The following HNF4G variants were observed in gnomAD, a reference collection of about 807,000 sequenced individuals.
HNF4G encodes hepatocyte nuclear factor 4-gamma.
A neutral mutation model predicts 50.9 loss-of-function variants in HNF4G; 21 were observed. The ratio of observed to expected loss-of-function variants is 0.41; its 90% CI spans 0.29 to 0.59. HNF4G has a LOEUF of 0.59. Among genes scored for constraint, HNF4G ranks in the 20% least tolerant of loss-of-function variants. The probability of loss-of-function intolerance (pLI) is 0.26; values close to 1 mark genes in which losing one functional copy is unlikely to be tolerated. For synonymous variants in HNF4G, 198 were observed against 185.6 expected (o/e 1.07, Z -0.54); for missense variants, 527 against 559.4 (o/e 0.94, Z 0.58).
At chr8:75,411,070 G>A (rs1004347249) in intron 1 of HNF4G, among the ~76,000 whole-genome samples, 3 of 152,074 alleles carry the variant, frequency 2.0e-5, no homozygotes, top group Admixed American at 6.6e-5. Flanking sequence ...CTTTACAGAC[G>A]GAAAAAGTGA....
intron 1 of HNF4G, among the ~76,000 whole-genome samples, chr8:75,481,114 CACAATTCTGACT>C (rs1360229595): frequency 1.3e-5 from 2 of 152,178 alleles, no homozygotes; most frequent in Non-Finnish European, 2.9e-5. Context: ...TAGTCTCCCA[CACAATTCTGACT>C]TTGTATTTTA....
chr8:75,477,284 T>C (rs1812262340), intron 1 of HNF4G, among the ~76,000 whole-genome samples: 2 of 152,210 alleles, frequency 1.3e-5, no homozygotes, highest in African/African-American at 4.8e-5. Flanking sequence ...GATTCTTAGG[T>C]TAATTTTTTT....
chr8:75,494,319 CA>C, intron 2 of HNF4G, among the ~76,000 whole-genome samples: 2 of 150,492 alleles, frequency 1.3e-5, no homozygotes, highest in South Asian at 4.2e-4. Context: ...CACACACACA[CA>C]CACACACACA....
intron 1 of HNF4G, among the ~76,000 whole-genome samples, chr8:75,451,027 A>G (rs1811572102): frequency 6.6e-6 from 1 of 152,188 alleles, no homozygotes; most frequent in African/African-American, 2.4e-5. Context: ...CTTTCTTTAT[A>G]AATTATCAAG....
rs1200989197 is a variant in HNF4G at position 75,565,825 on chromosome 8, GCTAT to G, written c.*1734_*1737del. 6.6e-6 allele frequency: 1 copy of G among 152,020 alleles called. No homozygotes were observed. The highest frequency in any genetic ancestry group is 1.5e-5 in the Non-Finnish European group (1 of 68,016). The allele number at this position is 152,020 out of a possible 1,614,324, so 9.4% of individuals were successfully genotyped here. On this transcript the variant is annotated 3_prime_UTR_variant, in exon 10 of 10. Transcript: ENST00000396423. ...TAAAGTAAAATTGAACTTATTAAAA[GCTAT>G]CTATGATTTAATAGATTTAATAAAA...
chr8:75,459,177 C>T (rs748983443), intron 1 of HNF4G, among the ~76,000 whole-genome samples: 4 of 152,148 alleles, frequency 2.6e-5, no homozygotes, highest in Non-Finnish European at 5.9e-5. Context: ...GAACTCTCTA[C>T]TAGCTAGGTA....
chr8:75,547,639 T>C lies in HNF4G; in HGVS notation c.340T>C (p.Cys114Arg). The C allele has an allele frequency of 6.2e-7, 1 of 1,611,876 alleles. No individual in the cohort carries two copies. Among genetic ancestry groups the C allele is most frequent in the Non-Finnish European group, 8.5e-7 (1 of 1,178,102 alleles). ...GGACAAAAGGAATCAATGTAGATAT[T>C]GTCGATTAAGAAAGTGTTTTAGAGC... is the stretch of plus-strand genomic sequence containing the variant. Reference protein sequence around the residue: ...DKDKRNQCRYCRLRKCFRAGM... With the variant: ...DKDKRNQCRYRRLRKCFRAGM... Residue 114 changes from cysteine (C) to arginine (R), a missense_variant, in exon 3 of 10, where the codon TGT becomes CGT. By Grantham distance (180) the Cys-to-Arg change is radical. Transcript: ENST00000396423.
At chr8:75,473,212 G>C (rs1812160025) in intron 1 of HNF4G, among the ~76,000 whole-genome samples, 1 of 152,000 alleles carries the variant, frequency 6.6e-6, no homozygotes, top group South Asian at 2.1e-4. Flanking sequence ...GGGAGGCTGA[G>C]GCAGGAGAAT....
chr8:75,470,522 G>A (rs1812090167), intron 1 of HNF4G, among the ~76,000 whole-genome samples: 1 of 152,070 alleles, frequency 6.6e-6, no homozygotes, highest in Non-Finnish European at 1.5e-5. Flanking sequence ...TATTTCCAGT[G>A]CTTGGTACAA....
chr8:75,467,544 C>G (rs1469633715), intron 1 of HNF4G, among the ~76,000 whole-genome samples: 1 of 152,050 alleles, frequency 6.6e-6, no homozygotes, highest in Admixed American at 6.5e-5. Context: ...CCTGTAGTCC[C>G]AACTACTGGG....
chr8:75,479,667 A>G (rs1812326990), intron 1 of HNF4G, among the ~76,000 whole-genome samples: 1 of 152,006 alleles, frequency 6.6e-6, no homozygotes, highest in Non-Finnish European at 1.5e-5. Flanking sequence ...ACATTTTTTA[A>G]AATTAGAAAC....
intron 3 of HNF4G, among the ~76,000 whole-genome samples, chr8:75,550,249 T>C (rs968053734): frequency 2.0e-5 from 3 of 152,192 alleles, no homozygotes; most frequent in Non-Finnish European, 4.4e-5. Flanking sequence ...TAATGAAAGA[T>C]AATTTCACCT....
chr8:75,440,965 C>T (rs1445472510), intron 1 of HNF4G, among the ~76,000 whole-genome samples: 1 of 152,128 alleles, frequency 6.6e-6, no homozygotes, highest in Non-Finnish European at 1.5e-5. Flanking sequence ...TCCAGTGATC[C>T]TTCCACCTTA....
intron 1 of HNF4G, among the ~76,000 whole-genome samples, chr8:75,453,126 A>G (rs1348128625): frequency 6.6e-6 from 1 of 152,210 alleles, no homozygotes; most frequent in Admixed American, 6.5e-5. Context: ...TTGTTTCAGG[A>G]CAGTAGGCAT....
At chr8:75,482,734 T>C (rs554016996) in intron 1 of HNF4G, among the ~76,000 whole-genome samples, 2 of 152,272 alleles carry the variant, frequency 1.3e-5, no homozygotes, top group East Asian at 3.9e-4. Context: ...ACTAGAACAC[T>C]GACAAGTTTA....
At chr8:75,558,696 A>G (rs1213864265) in intron 7 of HNF4G, 26 bp downstream of exon 7, 4 of 1,596,844 alleles carry the variant, frequency 2.5e-6, no homozygotes, top group East Asian at 4.5e-5. Context: ...TCCACTAGAG[A>G]ATTAATATAA....
At chr8:75,440,876 G>A (rs1811263453) in intron 1 of HNF4G, among the ~76,000 whole-genome samples, 1 of 151,422 alleles carries the variant, frequency 6.6e-6, no homozygotes, top group South Asian at 2.1e-4. Context: ...TATTATTTTT[G>A]AGACAGGATC....
upstream of HNF4G, among the ~76,000 whole-genome samples, chr8:75,537,873 A>C (rs1162388644): frequency 6.6e-6 from 1 of 152,160 alleles, no homozygotes; most frequent in African/African-American, 2.4e-5. Flanking sequence ...TGAAGTAAAG[A>C]TATATCTTTT....
At chr8:75,498,962 C>T (rs1351409916) in intron 2 of HNF4G, among the ~76,000 whole-genome samples, 1 of 151,966 alleles carries the variant, frequency 6.6e-6, no homozygotes, top group African/African-American at 2.4e-5. Flanking sequence ...TATTTGGAGT[C>T]AGGGACAAGA....
Sources: allele counts gnomAD v4.1 joint callset (sites outside exome capture counted in the v4.1 genomes callset), GRCh38; gene constraint gnomAD v4.1.1; transcripts MANE v1.5; gene names NCBI Gene and HGNC (gene_info 2026-07-23, HGNC 2026-07-21).